ARAP3: variants seen among roughly 807,000 people sequenced by gnomAD.
ARAP3 encodes the protein ArfGAP with RhoGAP domain, ankyrin repeat and PH domain 3.
ARAP3 carries 82 observed loss-of-function variants against 169.2 expected under a neutral mutation model. The ratio of observed to expected loss-of-function variants is 0.48; its 90% confidence interval spans 0.41 to 0.58. ARAP3 has a LOEUF of 0.58. ARAP3 is among the 20% of genes least tolerant of loss of function. The pLI is 0.00. For missense variants in ARAP3, 1,764 were observed against 2,018.0 expected, an observed-to-expected ratio of 0.87 and a Z score of 2.41; for synonymous variants, 791 against 800.3, an observed-to-expected ratio of 0.99 and a Z score of 0.20.
rs200903046 is a variant in ARAP3, at chr5:141,679,742, C to A, written c.586+19G>T. Reference sequence around the variant, plus strand: ...TGCCGGCACTATCCCTCTCCCCCAACCCGTGATAACCCAGTTACCTGTGCC... The same window carrying A: ...TGCCGGCACTATCCCTCTCCCCCAAACCGTGATAACCCAGTTACCTGTGCC... On this transcript the variant is annotated intron_variant, in intron 3 of 32. Transcript: ENST00000239440. 1 of 1,614,152 alleles carries A rather than the reference C, an allele frequency of 6.2e-7. No individual in the cohort carries two copies. Among genetic ancestry groups the A allele is most frequent in the East Asian group, 2.2e-5 (1 of 44,886 alleles).
At chr5:141,676,256 G>A (rs527932157) in intron 4 of ARAP3, among the ~76,000 whole-genome samples, 4 of 152,190 alleles carry the variant, frequency 2.6e-5, no homozygotes, top group East Asian at 1.9e-4. Flanking sequence ...GCTGAGGCAG[G>A]AGAATCACTT....
intron 4 of ARAP3, among the ~76,000 whole-genome samples, chr5:141,677,272 T>C (rs951329645): frequency 3.3e-5 from 5 of 152,202 alleles, no homozygotes; most frequent in Non-Finnish European, 7.3e-5. Flanking sequence ...TAAGATAATT[T>C]ATGTTTATAT....
At chr5:141,661,552 T>G in intron 21 of ARAP3, 132 bp downstream of exon 21, 1 of 918,162 alleles carries the variant, frequency 1.1e-6, no homozygotes, top group Non-Finnish European at 1.7e-6. Context: ...CTCTGAACCT[T>G]AGTGCTATGA....
intron 4 of ARAP3, 33 bp downstream of exon 4, chr5:141,679,512 C>T: frequency 6.2e-7 from 1 of 1,600,360 alleles, no homozygotes; most frequent in Non-Finnish European, 8.6e-7. Flanking sequence ...TCACCTGCTC[C>T]TCCCTCCCAC....
intron 23 of ARAP3, 99 bp from the exon 24 acceptor site, chr5:141,658,752 A>G: frequency 9.2e-7 from 1 of 1,088,584 alleles, no homozygotes. Context: ...GACTCTTCCA[A>G]CAAAGGTCTC....
intron 4 of ARAP3, among the ~76,000 whole-genome samples, chr5:141,676,051 C>T (rs980280797): frequency 6.6e-6 from 1 of 152,166 alleles, no homozygotes; most frequent in Admixed American, 6.6e-5. Context: ...ACCTATATAA[C>T]ATTGCATCCA....
chr5:141,666,860 A>C (rs1377067149), intron 16 of ARAP3: 3 of 412,018 alleles, frequency 7.3e-6, no homozygotes, highest in African/African-American at 6.2e-5. Context: ...AATTCAATTC[A>C]ATTCAATTCA....
At position 141,664,992 on chromosome 5, in the gene ARAP3, C is replaced by T; in HGVS notation, c.2730G>A (p.Gln910=). 3.7e-6 allele frequency: 6 copies of T among 1,613,854 alleles called. No homozygotes were observed. The highest frequency in any genetic ancestry group is 5.1e-6 in the Non-Finnish European group (6 of 1,179,946). The change falls in exon 19 of 33, where the codon CAG becomes CAA. Residue 910 remains glutamine, a synonymous_variant. Coordinates refer to ENST00000239440, the MANE Select transcript of ARAP3 (RefSeq NM_022481.6). Reference sequence around the variant, plus strand: ...TGTCACCCCGGCTCATCTGCTGCTCCTGCAGCCCTGTGCCGCCCCCACCAG... The same window carrying T: ...TGTCACCCCGGCTCATCTGCTGCTCTTGCAGCCCTGTGCCGCCCCCACCAG... ...GAAGGGGTGL[Q]EQQMSRGDIP...
chr5:141,676,599 T>C (rs966450245), intron 4 of ARAP3, among the ~76,000 whole-genome samples: 2 of 152,214 alleles, frequency 1.3e-5, no homozygotes, highest in African/African-American at 2.4e-5. Context: ...CTCAGCAGCG[T>C]AGGACACAGC....
At position 141,654,402 on chromosome 5, in the gene ARAP3, G is replaced by C. The variant is rs555924415; in HGVS notation, c.4183C>G (p.Gln1395Glu). Residue 1395 changes from glutamine to glutamate, a missense_variant, in exon 33 of 33, where the codon CAA becomes GAA. Around this residue, in one of 3 missense-constraint regions of ARAP3, gnomAD observed 1,112 missense variants for 1,285.7 expected, o/e 0.86. Coordinates refer to ENST00000239440, the MANE Select transcript of ARAP3 (RefSeq NM_022481.6). Reference sequence around the variant, plus strand: ...TACACAGGCTCCTCCAGCTCCTCTTGCTCCTCCACAGACCCCTGGGATGAC... The same window carrying C: ...TACACAGGCTCCTCCAGCTCCTCTTCCTCCTCCACAGACCCCTGGGATGAC... ...MKSSQGSVEEQEELEEPVYEE... is the reference protein window; with the variant it reads ...MKSSQGSVEEEEELEEPVYEE... 2.5e-6 allele frequency: 4 copies of C among 1,607,594 alleles called. No homozygotes were observed. In the South Asian group the frequency reaches 4.4e-5, roughly 18 times the overall value.
At chr5:141,678,893 C>T (rs1243890083) in intron 4 of ARAP3, among the ~76,000 whole-genome samples, 2 of 152,210 alleles carry the variant, frequency 1.3e-5, no homozygotes, top group African/African-American at 2.4e-5. Context: ...AGACTATCTC[C>T]CCACAAGGGC....
rs1448872038 is a variant in ARAP3 at position 141,661,722 on chromosome 5, G to A, written c.3081C>T (p.Asn1027=). The change falls in exon 21 of 33, where the codon AAC becomes AAT. Residue 1027 remains asparagine, a synonymous_variant. Transcript: ENST00000239440. ...CAATGAGGGTGGCCAGTGTGCGGCG[G>A]TTGACCCGCGGCAGGCAGCCAATCA... ...KDVIGCLPRV[N]RRTLATLIGH... 6.2e-7 allele frequency: 1 copy of A among 1,614,142 alleles called. No homozygotes were observed. Among genetic ancestry groups the A allele is most frequent in the African/African-American group, 1.3e-5 (1 of 74,948 alleles).
In ARAP3 at chr5:141,672,553, T is replaced by C; in HGVS notation, c.1384A>G (p.Ser462Gly). Residue 462 changes from serine to glycine, a missense_variant and splice_region_variant, in exon 9 of 33, where the codon AGC becomes GGC. Physicochemically the swap from Ser to Gly is moderately conservative, Grantham distance 56. Around this residue, in one of 3 missense-constraint regions of ARAP3, gnomAD observed 630 missense variants for 678.7 expected, o/e 0.93. Coordinates refer to ENST00000239440, the MANE Select transcript of ARAP3 (RefSeq NM_022481.6). This position sits in a 1 kb window ranked among gnomAD's most constrained non-coding sequence, Gnocchi z 4.9. ...GCCTCCCACTGGCCCAGGCCCCACC[T>C]GAAGCAGCGATGGGGTGTGAGCAGG... ...FDLLTPHRCF[S>G]FTAESGGARQ... 1 of 1,614,020 alleles carries C rather than the reference T, an allele frequency of 6.2e-7. No individual in the cohort carries two copies.
At chr5:141,657,384 T>C (rs7708707) in intron 25 of ARAP3, among the ~76,000 whole-genome samples, 74,669 of 152,104 alleles carry the variant, frequency 0.49, 19,421 homozygotes, top group African/African-American at 0.68. Flanking sequence ...GACGCAGGGG[T>C]CAGACATTCA....
chr5:141,665,473 C>G, intron 17 of ARAP3, 99 bp from the exon 18 acceptor site: 1 of 1,299,086 alleles, frequency 7.7e-7, no homozygotes, highest in Non-Finnish European at 1.1e-6. Context: ...AGGCTAGGAG[C>G]ATTACAAAAA....
chr5:141,680,405 G>A lies in ARAP3; in HGVS notation c.82C>T (p.His28Tyr), dbSNP rs755948720. 4 of 1,613,864 alleles carry A rather than the reference G, an allele frequency of 2.5e-6. No homozygotes were observed. The highest frequency in any genetic ancestry group is 3.4e-6 in the Non-Finnish European group (4 of 1,180,038). Reference protein sequence around the residue: ...LEQYADTFRRHGLATAGAARG... With the variant: ...LEQYADTFRRYGLATAGAARG... Reference sequence around the variant, plus strand: ...GCTGCACCTGCTGTAGCCAGGCCATGCCGTCGGAACGTGTCTGCATACTGC... The same window carrying A: ...GCTGCACCTGCTGTAGCCAGGCCATACCGTCGGAACGTGTCTGCATACTGC... Residue 28 changes from histidine to tyrosine, a missense_variant, in exon 2 of 33, where the codon CAT becomes TAT. By Grantham distance (83) the His-to-Tyr change is moderately conservative. Transcript: ENST00000239440.
Position 141,679,785 on chromosome 5 carries a change from C to T in ARAP3, c.562G>A (p.Ala188Thr), listed in dbSNP as rs755109506. The T allele has an allele frequency of 6.2e-7, 1 of 1,613,876 alleles. No homozygotes were observed. The highest frequency in any genetic ancestry group is 8.5e-7 in the Non-Finnish European group (1 of 1,179,950). ...DSSQISAPTP[A>T]LRPTTGTVHI... ...CCTGTGCCTGTTGTGGGCCTGAGGG[C>T]AGGGGTGGGGGCAGAGATTTGGGAG... is the stretch of plus-strand genomic sequence containing the variant. The change falls in exon 3 of 33, where the codon GCC (alanine) becomes ACC (threonine). Residue 188 changes from alanine (A) to threonine (T), a missense_variant. By Grantham distance (58) the Ala-to-Thr change is moderately conservative. Coordinates refer to ENST00000239440, the MANE Select transcript of ARAP3 (RefSeq NM_022481.6).
Position 141,672,277 on chromosome 5 carries a change from A to T in ARAP3, c.1410T>A (p.Ala470=), listed in dbSNP as rs776585938. The change falls in exon 10 of 33, where the codon GCT becomes GCA. Residue 470 remains alanine, a synonymous_variant. Coordinates refer to ENST00000239440, the MANE Select transcript of ARAP3 (RefSeq NM_022481.6). This position sits in a 1 kb window ranked among gnomAD's most constrained non-coding sequence, Gnocchi z 4.9. Reference sequence around the variant, plus strand: ...GCAGAGCGGCCGCCCAGCTCTGCCGAGCACCCCCAGACTCGGCTGTGAAGC... The same window carrying T: ...GCAGAGCGGCCGCCCAGCTCTGCCGTGCACCCCCAGACTCGGCTGTGAAGC... The part of the protein sequence containing the change: ...CFSFTAESGG[A]RQSWAAALQE... The T allele has an allele frequency of 3.7e-6, 6 of 1,613,940 alleles. No individual in the cohort carries two copies. The East Asian group carries it at 1.3e-4, about 36-fold the overall frequency.
intron 24 of ARAP3, 45 bp from the exon 25 acceptor site, chr5:141,658,524 T>C: frequency 6.2e-7 from 1 of 1,613,902 alleles, no homozygotes; most frequent in Non-Finnish European, 8.5e-7. Context: ...GTCAGGCTAT[T>C]GCCCCTGGAA....
Sources: gnomAD v4.1 joint callset for allele counts (sites outside exome capture counted in the v4.1 genomes callset) on GRCh38, gnomAD v4.1.1 for gene constraint, gnomAD v4.1.1 regional missense constraint, Gnocchi (gnomAD v3.1) non-coding constraint, MANE v1.5 for transcripts, NCBI Gene and HGNC (gene_info 2026-07-23, HGNC 2026-07-21) for gene names.